The following CADM2 variants were observed in gnomAD, a reference collection of about 807,000 sequenced individuals.
The protein encoded by CADM2 is immunoglobulin superfamily member 4D.
In CADM2, 12 loss-of-function variants were observed where a neutral mutation model predicts 49.8. That is an observed-to-expected ratio of 0.24 (90% confidence interval 0.15 to 0.39). The LOEUF (loss-of-function observed/expected upper bound fraction) is 0.39, where lower values mean the gene tolerates loss of function less well. CADM2 is among the 10% of genes least tolerant of loss of function. The pLI is 1.00. For synonymous variants in CADM2, 214 were observed against 175.4 expected (o/e 1.22, Z -1.74); for missense variants, 378 against 492.3 (o/e 0.77, Z 2.20).
rs920061242 is a variant in CADM2 at position 85,676,530 on chromosome 3, A to C, written c.62-49992A>C. 2.6e-5 allele frequency among the ~76,000 whole-genome samples: 4 copies of C among 152,204 alleles called. No individual in the cohort carries two copies. The East Asian group carries it at 7.7e-4, about 29-fold the overall frequency. On this transcript the variant is annotated intron_variant, in intron 1 of 9. Transcript: ENST00000383699. ...TTTTGATTGTTGTAACATAGGACAG[A>C]CTGGTGAGATTTCAAAGTTGGTAAT...
At chr3:85,440,581 T>G (rs1344898450) in intron 1 of CADM2, among the ~76,000 whole-genome samples, 1 of 152,164 alleles carries the variant, frequency 6.6e-6, no homozygotes, top group Non-Finnish European at 1.5e-5. Context: ...TAAATGACGG[T>G]CTCTAAGATT....
At chr3:85,310,090 T>G (rs2044307712) in intron 1 of CADM2, among the ~76,000 whole-genome samples, 1 of 152,190 alleles carries the variant, frequency 6.6e-6, no homozygotes, top group Non-Finnish European at 1.5e-5. Context: ...AGAAAAGGCT[T>G]TAATAATAAA....
intron 1 of CADM2, among the ~76,000 whole-genome samples, chr3:85,670,257 A>AAATGAAG (rs1229947311): frequency 1.3e-5 from 2 of 152,186 alleles, no homozygotes; most frequent in African/African-American, 4.8e-5. Context: ...CTATAATTAA[A>AAATGAAG]AATGAAGCTA....
rs576806498 is a variant in CADM2, at chr3:85,187,820, A to G, written c.61+228152A>G. Among the ~76,000 whole-genome samples, 8 of 152,168 alleles carry G rather than the reference A, an allele frequency of 5.3e-5. No homozygotes were observed. The East Asian group carries it at 1.2e-3, about 22-fold the overall frequency. On this transcript the variant is annotated intron_variant, in intron 1 of 9. Coordinates refer to ENST00000383699, the MANE Select transcript of CADM2 (RefSeq NM_001167675.2). ...TGTATAAACATATAAGGTACTTACT[A>G]TATTTTATTGTAATAACAAATACTT...
intron 1 of CADM2, among the ~76,000 whole-genome samples, chr3:85,652,025 G>C (rs1272168663): frequency 8.4e-5 from 11 of 131,346 alleles, no homozygotes; most frequent in African/African-American, 3.1e-4. Context: ...CACCCTGTTA[G>C]CCAGGATGGT....
intron 1 of CADM2, among the ~76,000 whole-genome samples, chr3:85,104,572 T>C (rs2038138577): frequency 6.6e-6 from 1 of 152,200 alleles, no homozygotes. Flanking sequence ...TGGAACCATA[T>C]GAACTTTAAA....
chr3:85,924,427 C>CA (rs1559745573), intron 6 of CADM2, among the ~76,000 whole-genome samples: 1 of 151,712 alleles, frequency 6.6e-6, no homozygotes, highest in Non-Finnish European at 1.5e-5. Context: ...CACGTCTCTA[C>CA]AAAAAATACA....
intron 1 of CADM2, among the ~76,000 whole-genome samples, chr3:85,121,928 TA>T (rs763156370): frequency 1.9e-4 from 29 of 152,306 alleles, no homozygotes; most frequent in Non-Finnish European, 3.1e-4. Flanking sequence ...ATCTCCAATT[TA>T]TCTTCGCTAT....
chr3:85,284,483 G>A (rs2043579670), intron 1 of CADM2, among the ~76,000 whole-genome samples: 1 of 152,040 alleles, frequency 6.6e-6, no homozygotes, highest in South Asian at 2.1e-4. Context: ...TGTTGTGGAT[G>A]TGGAGGAATT....
chr3:85,497,449 T>A (rs537604011), intron 1 of CADM2, among the ~76,000 whole-genome samples: 1 of 152,220 alleles, frequency 6.6e-6, no homozygotes, highest in South Asian at 2.1e-4. Context: ...AAATGTTATA[T>A]CTATATATTG....
chr3:85,010,110 T>G (rs917722477), intron 1 of CADM2, among the ~76,000 whole-genome samples: 1 of 151,988 alleles, frequency 6.6e-6, no homozygotes, highest in African/African-American at 2.4e-5. Context: ...AAGGAAATAA[T>G]TGAAAGCCTT....
chr3:85,645,336 T>A (rs936078770), intron 1 of CADM2, among the ~76,000 whole-genome samples: 1 of 152,104 alleles, frequency 6.6e-6, no homozygotes, highest in Non-Finnish European at 1.5e-5. Context: ...AACAACTTTT[T>A]ATTTTAAATA....
intron 1 of CADM2, among the ~76,000 whole-genome samples, chr3:85,507,182 A>AT (rs71108295): frequency 0.28 from 35,147 of 127,226 alleles, 5,197 homozygotes; most frequent in African/African-American, 0.37. Flanking sequence ...CACCCAGTGT[A>AT]TTTTTTTTTT....
At chr3:85,343,720 T>C (rs2107204311) in intron 1 of CADM2, among the ~76,000 whole-genome samples, 1 of 152,312 alleles carries the variant, frequency 6.6e-6, no homozygotes, top group Middle Eastern at 3.4e-3. Context: ...AGGCAGTTCA[T>C]AGAAGAGGAA....
chr3:85,928,841 T>TA (rs1421112443), intron 6 of CADM2, among the ~76,000 whole-genome samples: 1 of 151,782 alleles, frequency 6.6e-6, no homozygotes, highest in African/African-American at 2.4e-5. Context: ...AAGCATGAGA[T>TA]ATAAGGACAC....
At position 85,613,930 on chromosome 3, in the gene CADM2, G is replaced by A. The variant is rs556529528; in HGVS notation, c.62-112592G>A. Among the ~76,000 whole-genome samples the A allele has an allele frequency of 5.3e-5, 8 of 151,522 alleles. 1 individual carries two copies. The South Asian group carries it at 1.5e-3, about 28-fold the overall frequency. On this transcript the variant is annotated intron_variant, in intron 1 of 9. Transcript: ENST00000383699. ...CAGTTTTTCTGTATCTAAAAATGAC[G>A]GAACGGTAGTTTTGCACGTAATAAA...
At chr3:85,755,682 A>G (rs2107879455) in intron 2 of CADM2, among the ~76,000 whole-genome samples, 1 of 152,188 alleles carries the variant, frequency 6.6e-6, no homozygotes, top group African/African-American at 2.4e-5. Context: ...ACAGGGCTGG[A>G]GCAGGAGGAA....
At chr3:85,374,861 A>G (rs2033491284) in intron 1 of CADM2, among the ~76,000 whole-genome samples, 1 of 152,158 alleles carries the variant, frequency 6.6e-6, no homozygotes, top group South Asian at 2.1e-4. Flanking sequence ...CTCCCATGAC[A>G]CATGGGGATT....
chr3:85,795,131 T>C (rs1322899013), intron 2 of CADM2, among the ~76,000 whole-genome samples: 3 of 152,088 alleles, frequency 2.0e-5, no homozygotes, highest in Admixed American at 6.6e-5. Flanking sequence ...ATTTTGGTAA[T>C]TCTGAAATAC....
Sources: allele counts gnomAD v4.1 joint callset (sites outside exome capture counted in the v4.1 genomes callset), GRCh38; gene constraint gnomAD v4.1.1; transcripts MANE v1.5; gene names NCBI Gene and HGNC (gene_info 2026-07-23, HGNC 2026-07-21).